RARS2: variants seen among roughly 807,000 people sequenced by gnomAD.
RARS2 encodes the protein probable arginine--tRNA ligase, mitochondrial.
A neutral mutation model predicts 88.5 loss-of-function variants in RARS2; 67 were observed. The observed-to-expected ratio is 0.76, with a 90% CI of 0.62 to 0.93. RARS2 has a LOEUF of 0.93. Among genes scored for constraint, RARS2 ranks in the 40% least tolerant of loss-of-function variants. RARS2 has a pLI of 0.00. For synonymous variants in RARS2, 239 were observed against 230.3 expected (o/e 1.04, Z -0.34); for missense variants, 664 against 684.2 (o/e 0.97, Z 0.33).
At chr6:87,535,068 G>A (rs1778714873) in intron 8 of RARS2, among the ~76,000 whole-genome samples, 1 of 151,982 alleles carries the variant, frequency 6.6e-6, no homozygotes, top group Non-Finnish European at 1.5e-5. Flanking sequence ...GACTTACACT[G>A]ACTCTTACAA....
intron 16 of RARS2, 102 bp downstream of exon 16, chr6:87,518,528 T>C: frequency 7.4e-7 from 1 of 1,350,162 alleles, no homozygotes; most frequent in Non-Finnish European, 1.0e-6. Context: ...GAATAGAAGA[T>C]ATTGGAAAAG....
rs1468149641 is a variant in RARS2, at chr6:87,526,038, T to C, written c.879-1386A>G. Among the ~76,000 whole-genome samples the C allele has an allele frequency of 2.0e-5, 3 of 152,314 alleles. No homozygotes were observed. In the East Asian group the frequency reaches 5.8e-4, roughly 29 times the overall value. On this transcript the variant is annotated intron_variant, in intron 10 of 19. Coordinates refer to ENST00000369536, the MANE Select transcript of RARS2 (RefSeq NM_020320.5). ...AACACAGATAAATGGAAAGATATCC[T>C]GTATTAATGGATTGGAAAAATCAAT...
chr6:87,583,115 T>C (rs1453420326), intron 1 of RARS2, among the ~76,000 whole-genome samples: 3 of 152,190 alleles, frequency 2.0e-5, no homozygotes, highest in African/African-American at 7.2e-5. Context: ...TAAAGGAGCA[T>C]TATGTATGAA....
At chr6:87,580,136 G>A (rs1773025462) in intron 1 of RARS2, among the ~76,000 whole-genome samples, 1 of 152,110 alleles carries the variant, frequency 6.6e-6, no homozygotes, top group Non-Finnish European at 1.5e-5. Flanking sequence ...TGGATTTGGA[G>A]CTTTCTTGGA....
chr6:87,555,733 A>T (rs1267111777), intron 4 of RARS2, among the ~76,000 whole-genome samples: 1 of 152,178 alleles, frequency 6.6e-6, no homozygotes, highest in Admixed American at 6.5e-5. Context: ...TTTATACTCC[A>T]TGTCTATTCA....
At chr6:87,540,781 G>A (rs886338585) in intron 8 of RARS2, among the ~76,000 whole-genome samples, 1 of 152,050 alleles carries the variant, frequency 6.6e-6, no homozygotes, top group Non-Finnish European at 1.5e-5. Context: ...ATAAACTTCA[G>A]GAAGAACTGA....
At chr6:87,571,347 G>A (rs528312160) in intron 1 of RARS2, among the ~76,000 whole-genome samples, 2 of 152,320 alleles carry the variant, frequency 1.3e-5, no homozygotes, top group South Asian at 2.1e-4. Context: ...CAGCCATGCT[G>A]AACTGTGAGT....
At chr6:87,517,703 T>C (rs1465758819) in intron 17 of RARS2, among the ~76,000 whole-genome samples, 1 of 152,144 alleles carries the variant, frequency 6.6e-6, no homozygotes, top group African/African-American at 2.4e-5. Context: ...AGAGCTAAAA[T>C]GTGTGGGTGT....
intron 6 of RARS2, among the ~76,000 whole-genome samples, 170 bp downstream of exon 6, chr6:87,548,421 C>A (rs1783276928): frequency 6.6e-6 from 1 of 152,180 alleles, no homozygotes; most frequent in African/African-American, 2.4e-5. Context: ...TGTGTTTCCA[C>A]AAAACAGTGT....
intron 1 of RARS2, among the ~76,000 whole-genome samples, chr6:87,587,097 C>T (rs1775401823): frequency 6.6e-6 from 1 of 151,954 alleles, no homozygotes. Flanking sequence ...GTTTCCCAGG[C>T]TGGTCTTGAA....
intron 10 of RARS2, 137 bp downstream of exon 10, chr6:87,529,405 A>G: frequency 1.5e-6 from 1 of 680,154 alleles, no homozygotes; most frequent in Non-Finnish European, 2.7e-6. Flanking sequence ...GTGGGAAAGT[A>G]CTCTGAACAG....
chr6:87,557,096 A>C (rs1272280326), intron 4 of RARS2, among the ~76,000 whole-genome samples: 1 of 152,160 alleles, frequency 6.6e-6, no homozygotes, highest in East Asian at 1.9e-4. Context: ...AAGAAGCATA[A>C]AGTGCTAGGT....
intron 3 of RARS2, among the ~76,000 whole-genome samples, chr6:87,563,627 G>A (rs945911432): frequency 1.3e-5 from 2 of 152,162 alleles, no homozygotes; most frequent in Non-Finnish European, 2.9e-5. Flanking sequence ...GTAATTCCTT[G>A]CAATCCTTTC....
chr6:87,516,932 A>C (rs1771949396), intron 17 of RARS2, 52 bp from the exon 18 acceptor site: 1 of 1,605,674 alleles, frequency 6.2e-7, no homozygotes, highest in Non-Finnish European at 8.5e-7. Flanking sequence ...CATTACACTA[A>C]GACATTAGAC....
chr6:87,559,463 CAAAA>C (rs753856335), intron 4 of RARS2, among the ~76,000 whole-genome samples: 1,898 of 93,214 alleles, frequency 0.02, 54 homozygotes, highest in African/African-American at 0.069. Flanking sequence ...AACTCTGTCT[CAAAA>C]AAAAAAAAAA....
At chr6:87,529,508 A>G (rs757746207) in intron 10 of RARS2, 34 bp downstream of exon 10, 2 of 1,308,976 alleles carry the variant, frequency 1.5e-6, no homozygotes, top group Admixed American at 1.7e-5. Flanking sequence ...CAAAGAACAA[A>G]TAATTTTACT....
intron 1 of RARS2, among the ~76,000 whole-genome samples, chr6:87,578,970 A>AAT (rs1201994538): frequency 6.6e-6 from 1 of 150,908 alleles, no homozygotes; most frequent in African/African-American, 2.4e-5. Flanking sequence ...AAAAAAAAAA[A>AAT]AAAAAAAAAA....
In RARS2 at chr6:87,545,667, C is replaced by G; in HGVS notation, c.484G>C (p.Gly162Arg). 1 of 1,613,542 alleles carries G rather than the reference C, an allele frequency of 6.2e-7. No individual in the cohort carries two copies. Among genetic ancestry groups the G allele is most frequent in the Non-Finnish European group, 8.5e-7 (1 of 1,179,822 alleles). The change falls in exon 7 of 20, where the codon GGA becomes CGA. Residue 162 changes from glycine to arginine, a missense_variant. By Grantham distance (125) the Gly-to-Arg change is moderately radical. Coordinates refer to ENST00000369536, the MANE Select transcript of RARS2 (RefSeq NM_020320.5). ...NFIANLKEAL[G>R]HQVIRINYLG... ...TAATTTATTCTTATTACTTGATGTC[C>G]TAAAGCTTCTTTGAGATTTGCTATA...
In RARS2 at chr6:87,514,202, T is replaced by C. The variant is rs1770766960; in HGVS notation, c.*211A>G. 6.6e-6 allele frequency among the ~76,000 whole-genome samples: 1 copy of C among 151,266 alleles called. No individual in the cohort carries two copies. On this transcript the variant is annotated 3_prime_UTR_variant, in exon 20 of 20. Coordinates refer to ENST00000369536, the MANE Select transcript of RARS2 (RefSeq NM_020320.5). ...GGCACGTGCCTGTAATCCCAGCTAC[T>C]CAGGAGGCTGAGGCAGGAGAATTGC...
Sources: allele counts gnomAD v4.1 joint callset (sites outside exome capture counted in the v4.1 genomes callset), GRCh38; gene constraint gnomAD v4.1.1; transcripts MANE v1.5; gene names NCBI Gene and HGNC (gene_info 2026-07-23, HGNC 2026-07-21).